Variants in WDR37 observed in about 807,000 individuals in gnomAD.
WDR37 encodes the protein WD repeat-containing protein 37.
A neutral mutation model predicts 62.9 loss-of-function variants in WDR37; 19 were observed. That is an observed-to-expected ratio of 0.30 (90% CI 0.21 to 0.44). The LOEUF is 0.44. Among genes scored for constraint, WDR37 ranks in the 20% least tolerant of loss-of-function variants. The pLI, the probability that WDR37 is intolerant of heterozygous loss-of-function variation, is 1.00. For synonymous variants in WDR37, 250 were observed against 260.9 expected, an observed-to-expected ratio of 0.96 and a Z score of 0.40; for missense variants, 474 against 657.6, an observed-to-expected ratio of 0.72 and a Z score of 3.05.
At chr10:1,062,355 T>C (rs1438857888) in intron 1 of WDR37, among the ~76,000 whole-genome samples, 1 of 152,182 alleles carries the variant, frequency 6.6e-6, no homozygotes, top group Non-Finnish European at 1.5e-5. Context: ...ATCCAAAACT[T>C]ATAATTTTGA....
chr10:1,119,999 T>TA (rs1322747505), intron 11 of WDR37, among the ~76,000 whole-genome samples: 1 of 152,216 alleles, frequency 6.6e-6, no homozygotes, highest in Non-Finnish European at 1.5e-5. Context: ...ATGTGATACA[T>TA]ACTTGATTTT....
chr10:1,071,375 G>T (rs896929035), intron 1 of WDR37, among the ~76,000 whole-genome samples: 1 of 152,172 alleles, frequency 6.6e-6, no homozygotes, highest in African/African-American at 2.4e-5. Context: ...AAAATCTGTA[G>T]TTGAAGAAAG....
Position 1,129,691 on chromosome 10 carries a change from T to TA in WDR37, c.*347_*348insA. On this transcript the variant is annotated 3_prime_UTR_variant, in exon 14 of 14. Transcript: ENST00000263150. ...TTAAATGTGAACTTCTGTATTACGT[T>TA]GCGGCGTCGGCAGTCCTGCGTTCCC... 1 of 183,056 alleles carries TA rather than the reference T, an allele frequency of 5.5e-6. No homozygotes were observed. Among genetic ancestry groups the TA allele is most frequent in the South Asian group, 1.1e-4 (1 of 9,014 alleles). The allele number at this position is 183,056 out of a possible 1,614,324, so 11.3% of individuals were successfully genotyped here.
At chr10:1,085,872 T>A (rs1204922025) in intron 6 of WDR37, among the ~76,000 whole-genome samples, 1 of 152,214 alleles carries the variant, frequency 6.6e-6, no homozygotes, top group African/African-American at 2.4e-5. Flanking sequence ...GACCCAAAGA[T>A]CCAAAGACAT....
At position 1,130,096 on chromosome 10, in the gene WDR37, A is replaced by G. The variant is rs1835920826; in HGVS notation, c.*752A>G. On this transcript the variant is annotated 3_prime_UTR_variant, in exon 14 of 14. Transcript: ENST00000263150. ...CACTTTAATTTATAGCTATGGTTATAAACAGGTTTTAGATGTTTCAAATGA... is the reference window on the plus strand; with the variant it reads ...CACTTTAATTTATAGCTATGGTTATGAACAGGTTTTAGATGTTTCAAATGA... 6.6e-6 allele frequency: 1 copy of G among 152,656 alleles called. No individual in the cohort carries two copies. The allele number at this position is 152,656 out of a possible 1,614,324, so 9.5% of individuals were successfully genotyped here.
chr10:1,086,328 T>A lies in WDR37; in HGVS notation c.575T>A (p.Leu192Gln). The A allele has an allele frequency of 6.2e-7, 1 of 1,614,148 alleles. No homozygotes were observed. The highest frequency in any genetic ancestry group is 1.6e-4 in the Middle Eastern group (1 of 6,062). ...TGGAGCATAGAGACAGGGAAGTGCC[T>A]AGTCAAGTACGCAGGCCACGTGGGC... ...LLWSIETGKC[L>Q]VKYAGHVGSV... The change falls in exon 7 of 14, where the codon CTA (leucine) becomes CAA (glutamine). Residue 192 changes from leucine (L) to glutamine (Q), a missense_variant. By Grantham distance (113) the Leu-to-Gln change is moderately radical. Transcript: ENST00000263150.
intron 13 of WDR37, among the ~76,000 whole-genome samples, chr10:1,127,465 CT>C (rs11356997): frequency 0.075 from 11,356 of 152,274 alleles, 708 homozygotes; most frequent in African/African-American, 0.17. Context: ...AAATCACTGA[CT>C]TATATTGTCC....
In WDR37 at chr10:1,105,168, A is replaced by G; in HGVS notation, c.1004A>G (p.Gln335Arg). ...ELTHCCTHPTQRLVVTSSRDT... is the reference protein window; with the variant it reads ...ELTHCCTHPTRRLVVTSSRDT... The stretch of plus-strand genomic sequence containing the variant: ...ACGCACTGCTGCACACACCCCACCC[A>G]GCGGCTCGTGGTGACCTCCTCCCGT... Residue 335 changes from glutamine to arginine, a missense_variant, in exon 11 of 14, where the codon CAG becomes CGG. Gln to Arg is a conservative substitution (Grantham distance 43). Coordinates refer to ENST00000263150, the MANE Select transcript of WDR37 (RefSeq NM_014023.4). The surrounding 1 kb of genome is among the most constrained non-coding windows in gnomAD (Gnocchi z 5.3). The G allele has an allele frequency of 6.2e-7, 1 of 1,614,066 alleles. No homozygotes were observed. The highest frequency in any genetic ancestry group is 8.5e-7 in the Non-Finnish European group (1 of 1,179,998).
At chr10:1,117,507 C>T (rs1255466194) in intron 11 of WDR37, among the ~76,000 whole-genome samples, 1 of 152,172 alleles carries the variant, frequency 6.6e-6, no homozygotes, top group Non-Finnish European at 1.5e-5. Flanking sequence ...GAAATGATTG[C>T]GTTTGAATCG....
intron 7 of WDR37, among the ~76,000 whole-genome samples, chr10:1,090,518 G>A (rs1304571227): frequency 1.3e-5 from 2 of 152,198 alleles, no homozygotes; most frequent in East Asian, 1.9e-4. Flanking sequence ...GCTGGTGGGA[G>A]TTGAATCAGT....
At chr10:1,128,803 G>A (rs1022722507) in intron 13 of WDR37, among the ~76,000 whole-genome samples, 4 of 151,558 alleles carry the variant, frequency 2.6e-5, no homozygotes, top group Non-Finnish European at 5.9e-5. Context: ...CGGCTCTGCC[G>A]TGCTCGGCGG....
rs56654628 is a variant in WDR37, at chr10:1,113,950, CTT to C, written c.1103+8705_1103+8706del. 8.2e-3 allele frequency among the ~76,000 whole-genome samples: 624 copies of C among 76,176 alleles called. 3 individuals are homozygous for C. Among genetic ancestry groups the C allele is most frequent in the African/African-American group, 0.016 (351 of 21,276 alleles). The allele number at this position is 76,176 out of a possible 152,430, so 50.0% of individuals were successfully genotyped here. On this transcript the variant is annotated intron_variant, in intron 11 of 13. Transcript: ENST00000263150. Reference sequence around the variant, plus strand: ...TGAGGTTCAATTGTGGGTAAAATGCCTTTTTTTTTTTTTTTTTTTTTTTAAGA... The same window carrying C: ...TGAGGTTCAATTGTGGGTAAAATGCCTTTTTTTTTTTTTTTTTTTTTAAGA...
chr10:1,106,117 T>C (rs1564508848), intron 11 of WDR37, among the ~76,000 whole-genome samples: 1 of 152,168 alleles, frequency 6.6e-6, no homozygotes, highest in Non-Finnish European at 1.5e-5. Context: ...TTCAGTTCTT[T>C]CCGTGACCGT....
At chr10:1,068,266 G>A (rs1833615210) in intron 1 of WDR37, among the ~76,000 whole-genome samples, 1 of 151,814 alleles carries the variant, frequency 6.6e-6, no homozygotes, top group Admixed American at 6.6e-5. Context: ...TGGATCATGA[G>A]GTCAGGAGAT....
chr10:1,103,975 ATTCT>A lies in WDR37; in HGVS notation c.961+144_961+147del, dbSNP rs1834905406. ...GGCTCTTCTGTGGTAATTTTTGGAG[ATTCT>A]TTCTATTAATAATAGAACTATTGGT... is the stretch of plus-strand genomic sequence containing the variant. On this transcript the variant is annotated intron_variant, in intron 10 of 13. Coordinates refer to ENST00000263150, the MANE Select transcript of WDR37 (RefSeq NM_014023.4). The surrounding 1 kb of genome is among the most constrained non-coding windows in gnomAD (Gnocchi z 6.3). 1 of 805,704 alleles carries A rather than the reference ATTCT, an allele frequency of 1.2e-6. No individual in the cohort carries two copies. Among genetic ancestry groups the A allele is most frequent in the South Asian group, 1.8e-5 (1 of 54,380 alleles). The allele number at this position is 805,704 out of a possible 1,614,324, so 49.9% of individuals were successfully genotyped here.
At chr10:1,096,803 A>G (rs927856158) in intron 9 of WDR37, among the ~76,000 whole-genome samples, 1 of 152,170 alleles carries the variant, frequency 6.6e-6, no homozygotes, top group South Asian at 2.1e-4. Flanking sequence ...GAAAGCCTCC[A>G]TAGCGGCGAA....
intron 9 of WDR37, among the ~76,000 whole-genome samples, chr10:1,096,984 C>T (rs1422099976): frequency 6.6e-6 from 1 of 152,078 alleles, no homozygotes; most frequent in Non-Finnish European, 1.5e-5. Flanking sequence ...TTAGAGGAGG[C>T]GAGGGACAGG....
intron 6 of WDR37, among the ~76,000 whole-genome samples, 174 bp downstream of exon 6, chr10:1,084,712 G>A (rs568710095): frequency 6.6e-6 from 1 of 152,354 alleles, no homozygotes; most frequent in Admixed American, 6.5e-5. Context: ...GTGGCCTGAA[G>A]TCCTGCATTC....
chr10:1,124,201 G>C lies in WDR37; in HGVS notation c.1104-17G>C. The C allele has an allele frequency of 6.2e-7, 1 of 1,614,064 alleles. No homozygotes were observed. The highest frequency in any genetic ancestry group is 2.2e-5 in the East Asian group (1 of 44,876). Reference sequence around the variant, plus strand: ...TGCACCTGCTGTTGCATCTGACTCTGTGCCCTTTGTTCATAGCACTGTGAC... The same window carrying C: ...TGCACCTGCTGTTGCATCTGACTCTCTGCCCTTTGTTCATAGCACTGTGAC... On this transcript the variant is annotated splice_polypyrimidine_tract_variant and intron_variant, in intron 11 of 13. Transcript: ENST00000263150.
Sources: gnomAD v4.1 joint callset for allele counts (sites outside exome capture counted in the v4.1 genomes callset) on GRCh38, gnomAD v4.1.1 for gene constraint, Gnocchi (gnomAD v3.1) non-coding constraint, MANE v1.5 for transcripts, NCBI Gene and HGNC (gene_info 2026-07-23, HGNC 2026-07-21) for gene names.